KMT2E: variants seen among roughly 807,000 people sequenced by gnomAD.
KMT2E encodes the protein histone reader KMT2E.
A neutral mutation model predicts 184.6 loss-of-function variants in KMT2E; 30 were observed. The observed-to-expected ratio is 0.16, with a 90% CI of 0.12 to 0.22. KMT2E has a LOEUF of 0.22. Among genes scored for constraint, KMT2E ranks in the 10% least tolerant of loss-of-function variants. The pLI, the probability that KMT2E is intolerant of heterozygous loss-of-function variation, is 1.00. For synonymous variants in KMT2E, 815 were observed against 776.5 expected (o/e 1.05, Z -0.82); for missense variants, 2,023 against 2,237.4 (o/e 0.90, Z 1.93).
chr7:105,081,590 GT>G, intron 12 of KMT2E, 97 bp from the exon 13 acceptor site: 2 of 700,194 alleles, frequency 2.9e-6, no homozygotes. Flanking sequence ...GGTTGTGTTT[GT>G]GAAATAATTT....
intron 23 of KMT2E, among the ~76,000 whole-genome samples, 158 bp from the exon 24 acceptor site, chr7:105,110,122 T>C (rs900529389): frequency 1.2e-4 from 19 of 152,296 alleles, no homozygotes; most frequent in Middle Eastern, 3.4e-3. Flanking sequence ...CGTGAGCCAC[T>C]GTGCCCTGCC....
intron 23 of KMT2E, 73 bp downstream of exon 23, chr7:105,109,301 C>G (rs1289947974): frequency 4.1e-6 from 6 of 1,455,372 alleles, no homozygotes; most frequent in Non-Finnish European, 5.6e-6. Flanking sequence ...ATTTGTTGTT[C>G]TCCCAAGGCT....
intron 3 of KMT2E, among the ~76,000 whole-genome samples, chr7:105,041,295 C>T (rs1321644334): frequency 6.6e-6 from 1 of 152,104 alleles, no homozygotes; most frequent in Admixed American, 6.6e-5. Context: ...TTCTGAGAAG[C>T]GATACATTTT....
chr7:105,084,708 A>G (rs1339988301), intron 13 of KMT2E, among the ~76,000 whole-genome samples: 1 of 152,098 alleles, frequency 6.6e-6, no homozygotes, highest in African/African-American at 2.4e-5. Context: ...TTTTATTGCC[A>G]TACACAATTT....
At chr7:105,060,194 CATCT>C (rs1796757373) in intron 3 of KMT2E, among the ~76,000 whole-genome samples, 1 of 151,424 alleles carries the variant, frequency 6.6e-6, no homozygotes, top group Non-Finnish European at 1.5e-5. Flanking sequence ...GGGTTTTCAC[CATCT>C]TGGCCAGGCT....
chr7:105,072,942 G>A (rs1200183471), intron 6 of KMT2E, among the ~76,000 whole-genome samples: 5 of 151,674 alleles, frequency 3.3e-5, no homozygotes, highest in Non-Finnish European at 7.4e-5. Context: ...TATTTCAAAA[G>A]TGAAAATAAT....
intron 13 of KMT2E, among the ~76,000 whole-genome samples, chr7:105,087,197 A>G (rs1258701875): frequency 2.0e-5 from 3 of 147,120 alleles, no homozygotes; most frequent in Non-Finnish European, 4.5e-5. Flanking sequence ...TATACATGCT[A>G]TATATATGCT....
At chr7:105,076,003 G>A (rs901844751) in intron 8 of KMT2E, 40 bp from the exon 9 acceptor site, 6 of 1,500,148 alleles carry the variant, frequency 4.0e-6, no homozygotes, top group Non-Finnish European at 5.6e-6. Flanking sequence ...ATTATGTCCA[G>A]TTTTTTAGGA....
At chr7:105,104,279 T>A (rs1798796563) in intron 17 of KMT2E, 1 of 152,202 alleles carries the variant, frequency 6.6e-6, no homozygotes. Context: ...TTATGTATGT[T>A]GTAGATCAGA....
chr7:105,089,416 C>G (rs1798113194), intron 13 of KMT2E: 1 of 246,544 alleles, frequency 4.1e-6, no homozygotes, highest in Non-Finnish European at 8.2e-6. Flanking sequence ...CCAGGCTGGT[C>G]TCAAGTGATC....
In KMT2E at chr7:105,086,780, T is replaced by TA. The variant is rs1375117683; in HGVS notation, c.1359-3226dup. On this transcript the variant is annotated intron_variant, in intron 13 of 26. Transcript: ENST00000311117. ...ATTAAAAATATAAATATATATAAAA[T>TA]AAATATAATATATAAAAATATGATT... Among the ~76,000 whole-genome samples, 9 of 145,958 alleles carry TA rather than the reference T, an allele frequency of 6.2e-5. No individual in the cohort carries two copies. The East Asian group carries it at 1.2e-3, about 19-fold the overall frequency.
At chr7:105,074,904 G>A (rs1369383545) in intron 8 of KMT2E, 89 bp downstream of exon 8, 4 of 895,630 alleles carry the variant, frequency 4.5e-6, no homozygotes, top group Middle Eastern at 2.4e-4. Context: ...GAGAATAATC[G>A]ATGATAGCTA....
At chr7:105,108,751 T>C in intron 22 of KMT2E, 191 bp from the exon 23 acceptor site, 1 of 572,960 alleles carries the variant, frequency 1.7e-6, no homozygotes, top group East Asian at 3.0e-5. Flanking sequence ...AGATAATGTA[T>C]GTAAATCATC....
chr7:105,063,879 A>G, intron 5 of KMT2E: 1 of 465,502 alleles, frequency 2.1e-6, no homozygotes, highest in Non-Finnish European at 4.1e-6. Flanking sequence ...AGTAGACAAG[A>G]TAGAAATGAG....
intron 1 of KMT2E, among the ~76,000 whole-genome samples, chr7:105,023,723 G>A (rs1795056233): frequency 6.6e-6 from 1 of 152,110 alleles, no homozygotes; most frequent in Non-Finnish European, 1.5e-5. Context: ...GGGATTACAG[G>A]CTTGAGCCAC....
Position 105,087,029 on chromosome 7 carries a change from A to G in KMT2E, c.1359-2980A>G, listed in dbSNP as rs372556370. Among the ~76,000 whole-genome samples the G allele has an allele frequency of 6.8e-5, 10 of 146,770 alleles. No homozygotes were observed. In the East Asian group the frequency reaches 1.4e-3, roughly 20 times the overall value. On this transcript the variant is annotated intron_variant, in intron 13 of 26. Coordinates refer to ENST00000311117, the MANE Select transcript of KMT2E (RefSeq NM_182931.3). The stretch of plus-strand genomic sequence containing the variant: ...TTGGCAAATATATAGCATATAATAT[A>G]ATATATGGCATGTATAATATATATA...
chr7:105,065,171 A>G (rs907220744), intron 5 of KMT2E, among the ~76,000 whole-genome samples: 3 of 152,096 alleles, frequency 2.0e-5, no homozygotes, highest in African/African-American at 7.2e-5. Context: ...GCTCTATTCT[A>G]ACTTTACGTT....
chr7:105,064,174 T>A (rs1221799041), intron 5 of KMT2E: 1 of 292,434 alleles, frequency 3.4e-6, no homozygotes, highest in Non-Finnish European at 6.5e-6. Context: ...GTTTTTTTTT[T>A]TTTTTTTTTT....
At chr7:105,021,329 A>T (rs1287669473) in intron 1 of KMT2E, among the ~76,000 whole-genome samples, 1 of 152,202 alleles carries the variant, frequency 6.6e-6, no homozygotes, top group Non-Finnish European at 1.5e-5. Flanking sequence ...AATATTTTTG[A>T]AGCACAGACA....
Sources: gnomAD v4.1 joint callset for allele counts (sites outside exome capture counted in the v4.1 genomes callset) on GRCh38, gnomAD v4.1.1 for gene constraint, MANE v1.5 for transcripts, NCBI Gene and HGNC (gene_info 2026-07-23, HGNC 2026-07-21) for gene names.